Variants in HEMK2 observed in about 807,000 individuals in gnomAD.
The protein encoded by HEMK2 is methyltransferase HEMK2.
chr21:28,597,969 G>A, the HEMK2 span, among the ~76,000 whole-genome samples: 18 of 152,174 alleles, frequency 1.2e-4, 1 homozygote, highest in Admixed American at 5.9e-4. Flanking sequence ...AACAAAAGAA[G>A]CATGAACTTA....
At chr21:28,691,991 C>T in the HEMK2 span, among the ~76,000 whole-genome samples, 1 of 152,186 alleles carries the variant, frequency 6.6e-6, no homozygotes, top group Non-Finnish European at 1.5e-5. Context: ...CTAAATCTTA[C>T]TCATTATTTG....
the HEMK2 span, among the ~76,000 whole-genome samples, chr21:28,762,469 T>C: frequency 3.9e-5 from 6 of 152,156 alleles, no homozygotes; most frequent in East Asian, 1.2e-3. Context: ...ATTGTTGGGG[T>C]TGAAAGGGTC....
At chr21:28,658,605 T>C in the HEMK2 span, among the ~76,000 whole-genome samples, 10 of 152,042 alleles carry the variant, frequency 6.6e-5, no homozygotes, top group African/African-American at 2.4e-4. Context: ...AAATGACATG[T>C]AAACAAATAC....
chr21:28,841,152 A>G, the HEMK2 span, among the ~76,000 whole-genome samples: 6 of 33,362 alleles, frequency 1.8e-4, 1 homozygote, highest in South Asian at 8.4e-4. Flanking sequence ...ATATAATTAT[A>G]ATTTATATAT....
the HEMK2 span, among the ~76,000 whole-genome samples, chr21:28,805,678 T>C: frequency 6.6e-6 from 1 of 152,172 alleles, no homozygotes; most frequent in Non-Finnish European, 1.5e-5. Flanking sequence ...TGCTTTTTTT[T>C]TCTCCGAAAC....
chr21:28,761,792 G>T, the HEMK2 span, among the ~76,000 whole-genome samples: 1 of 152,096 alleles, frequency 6.6e-6, no homozygotes. Context: ...TTGAATAAAT[G>T]ATGAGGCATC....
chr21:28,608,388 C>CAA, the HEMK2 span, among the ~76,000 whole-genome samples: 1 of 117,934 alleles, frequency 8.5e-6, no homozygotes, highest in Non-Finnish European at 1.8e-5. Flanking sequence ...TTTTCAACTT[C>CAA]AAAAAAAAAA....
the HEMK2 span, among the ~76,000 whole-genome samples, chr21:28,665,057 C>T: frequency 1.3e-5 from 2 of 151,748 alleles, no homozygotes; most frequent in African/African-American, 2.4e-5. Flanking sequence ...GCAGGTAGAT[C>T]GCTTGAGCCT....
the HEMK2 span, among the ~76,000 whole-genome samples, chr21:28,807,821 C>A: frequency 6.6e-6 from 1 of 152,136 alleles, no homozygotes; most frequent in African/African-American, 2.4e-5. Context: ...TCCTGTAAAA[C>A]TAAATACCTG....
chr21:28,689,159 TA>T, the HEMK2 span, among the ~76,000 whole-genome samples: 4 of 152,174 alleles, frequency 2.6e-5, no homozygotes, highest in African/African-American at 9.7e-5. Context: ...GAGTATCTTC[TA>T]AAAGCTATTG....
the HEMK2 span, among the ~76,000 whole-genome samples, chr21:28,711,427 T>C: frequency 1.4e-3 from 217 of 152,276 alleles, no homozygotes; most frequent in African/African-American, 5.0e-3. Flanking sequence ...TGGGGAGTCA[T>C]GGTTCCTCAG....
At chr21:28,706,672 G>A in the HEMK2 span, among the ~76,000 whole-genome samples, 36 of 152,052 alleles carry the variant, frequency 2.4e-4, no homozygotes, top group Non-Finnish European at 5.1e-4. Context: ...CTTCATGAAC[G>A]TTATCACTGC....
At chr21:28,612,051 G>C in the HEMK2 span, among the ~76,000 whole-genome samples, 3 of 151,858 alleles carry the variant, frequency 2.0e-5, no homozygotes, top group African/African-American at 4.8e-5. Flanking sequence ...AGTGATAGAG[G>C]GAATCCTCCC....
At chr21:28,682,986 T>G in the HEMK2 span, among the ~76,000 whole-genome samples, 1 of 152,076 alleles carries the variant, frequency 6.6e-6, no homozygotes, top group Admixed American at 6.6e-5. Flanking sequence ...ACATGGCACA[T>G]GTATACATAT....
At chr21:28,882,237 TGATATCA>T in the HEMK2 span, 2 of 1,611,718 alleles carry the variant, frequency 1.2e-6, no homozygotes, top group South Asian at 2.2e-5. Context: ...GCCTCAGGGT[TGATATCA>T]GTGCACCTAT....
chr21:28,683,167 CACAA>C, the HEMK2 span, among the ~76,000 whole-genome samples: 3 of 151,500 alleles, frequency 2.0e-5, no homozygotes, highest in Non-Finnish European at 4.4e-5. Flanking sequence ...TTCAGAAACA[CACAA>C]ACACAAGAGA....
chr21:28,667,801 C>T, the HEMK2 span, among the ~76,000 whole-genome samples: 2 of 152,204 alleles, frequency 1.3e-5, no homozygotes, highest in East Asian at 3.9e-4. Flanking sequence ...ATCTGAGTTA[C>T]GAATGTGTGA....
At chr21:28,684,617 T>C in the HEMK2 span, among the ~76,000 whole-genome samples, 1 of 152,194 alleles carries the variant, frequency 6.6e-6, no homozygotes, top group Non-Finnish European at 1.5e-5. Flanking sequence ...TTTTCATCAT[T>C]TGGGATTTCA....
the HEMK2 span, among the ~76,000 whole-genome samples, chr21:28,714,073 T>C: frequency 6.6e-6 from 1 of 152,138 alleles, no homozygotes; most frequent in Admixed American, 6.5e-5. Context: ...AGTTATAGAG[T>C]TGTCTTCATG....
Sources: gnomAD v4.1 joint callset for allele counts (sites outside exome capture counted in the v4.1 genomes callset) on GRCh38, gnomAD v4.1.1 for gene constraint, MANE v1.5 for transcripts, NCBI Gene and HGNC (gene_info 2026-07-23, HGNC 2026-07-21) for gene names.